The following TSPAN5 variants were observed in gnomAD, a reference collection of about 807,000 sequenced individuals.
TSPAN5 encodes the protein tetraspanin 5.
A neutral mutation model predicts 37.1 loss-of-function variants in TSPAN5; 10 were observed. That is an observed-to-expected ratio of 0.27 (90% CI 0.17 to 0.46). TSPAN5 has a LOEUF of 0.46. Among genes scored for constraint, TSPAN5 ranks in the 20% least tolerant of loss-of-function variants. The probability of loss-of-function intolerance (pLI) is 1.00; values close to 1 mark genes in which losing one functional copy is unlikely to be tolerated. For missense variants in TSPAN5, 195 were observed against 326.6 expected, an observed-to-expected ratio of 0.60 and a Z score of 3.11; for synonymous variants, 110 against 118.9, an observed-to-expected ratio of 0.93 and a Z score of 0.48.
chr4:98,554,758 T>G (rs1051218260), intron 1 of TSPAN5, among the ~76,000 whole-genome samples: 1 of 152,176 alleles, frequency 6.6e-6, no homozygotes, highest in African/African-American at 2.4e-5. Context: ...AAACAAAAGC[T>G]TCAGCTTAGA....
At chr4:98,493,760 C>T (rs1753136754) in intron 2 of TSPAN5, among the ~76,000 whole-genome samples, 1 of 152,160 alleles carries the variant, frequency 6.6e-6, no homozygotes, top group Admixed American at 6.5e-5. Context: ...TTCTCTTCTC[C>T]TGCCTCTGAG....
At chr4:98,638,106 C>T (rs1045206649) in intron 1 of TSPAN5, among the ~76,000 whole-genome samples, 2 of 152,130 alleles carry the variant, frequency 1.3e-5, no homozygotes, top group Non-Finnish European at 2.9e-5. Flanking sequence ...TTGCCTCTGC[C>T]TGGGTTATAA....
intron 5 of TSPAN5, among the ~76,000 whole-genome samples, chr4:98,477,608 C>G (rs1244543803): frequency 6.6e-6 from 1 of 151,530 alleles, no homozygotes; most frequent in Admixed American, 6.6e-5. Flanking sequence ...TAGGAGCACA[C>G]AGAGATGCGT....
At chr4:98,473,705 C>T (rs994757448) in intron 7 of TSPAN5, among the ~76,000 whole-genome samples, 10 of 152,176 alleles carry the variant, frequency 6.6e-5, no homozygotes, top group Admixed American at 2.0e-4. Flanking sequence ...ATGATCCACC[C>T]GCCTCGGCCT....
chr4:98,561,425 T>C (rs1339624643), intron 1 of TSPAN5, among the ~76,000 whole-genome samples: 1 of 152,230 alleles, frequency 6.6e-6, no homozygotes, highest in African/African-American at 2.4e-5. Flanking sequence ...TCCATTGTCA[T>C]ATCCCTAGGA....
chr4:98,556,216 T>C (rs894606613), intron 1 of TSPAN5, among the ~76,000 whole-genome samples: 11 of 152,126 alleles, frequency 7.2e-5, no homozygotes, highest in African/African-American at 2.7e-4. Flanking sequence ...ATCCTTCCTG[T>C]AGAAGGATAC....
chr4:98,609,375 C>T (rs568544929), intron 1 of TSPAN5, among the ~76,000 whole-genome samples: 26 of 152,260 alleles, frequency 1.7e-4, no homozygotes, highest in African/African-American at 4.8e-4. Flanking sequence ...GGGGAGAGGG[C>T]CAGGGCAGTG....
At chr4:98,646,172 C>T (rs1478187527) in intron 1 of TSPAN5, among the ~76,000 whole-genome samples, 1 of 152,070 alleles carries the variant, frequency 6.6e-6, no homozygotes, top group Admixed American at 6.6e-5. Context: ...GTGAGTCTCT[C>T]ATTCACCAAG....
chr4:98,532,452 A>G (rs896063051), intron 1 of TSPAN5, among the ~76,000 whole-genome samples: 1 of 152,198 alleles, frequency 6.6e-6, no homozygotes, highest in Non-Finnish European at 1.5e-5. Flanking sequence ...CTTTGAAGCA[A>G]TTGTGAATGG....
At chr4:98,636,171 A>G (rs1756853839) in intron 1 of TSPAN5, among the ~76,000 whole-genome samples, 1 of 152,252 alleles carries the variant, frequency 6.6e-6, no homozygotes, top group Non-Finnish European at 1.5e-5. Context: ...AGAAATGTAA[A>G]TAAGGGCATA....
chr4:98,634,032 T>C (rs1756803031), intron 1 of TSPAN5, among the ~76,000 whole-genome samples: 1 of 150,720 alleles, frequency 6.6e-6, no homozygotes, highest in South Asian at 2.1e-4. Context: ...TGAGTGGAGA[T>C]GGCACCACTG....
chr4:98,507,076 T>G (rs138576106), intron 2 of TSPAN5, among the ~76,000 whole-genome samples: 1 of 152,288 alleles, frequency 6.6e-6, no homozygotes, highest in East Asian at 1.9e-4. Context: ...TACTCTGTAT[T>G]TCCAGATTTT....
intron 1 of TSPAN5, among the ~76,000 whole-genome samples, chr4:98,580,699 C>T (rs187992239): frequency 3.8e-4 from 58 of 152,264 alleles, no homozygotes; most frequent in African/African-American, 1.3e-3. Context: ...GATTTTAAAG[C>T]CAAACCACAG....
At chr4:98,570,635 G>A (rs1212253905) in intron 1 of TSPAN5, among the ~76,000 whole-genome samples, 1 of 152,166 alleles carries the variant, frequency 6.6e-6, no homozygotes, top group African/African-American at 2.4e-5. Context: ...CAAACGCAGT[G>A]TCTGAGCCAG....
chr4:98,475,921 C>T (rs1409812432), intron 7 of TSPAN5, among the ~76,000 whole-genome samples: 1 of 151,842 alleles, frequency 6.6e-6, no homozygotes, highest in African/African-American at 2.4e-5. Context: ...ACCCAAGAGG[C>T]GGAGCTTTCA....
intron 1 of TSPAN5, among the ~76,000 whole-genome samples, chr4:98,609,911 C>A (rs990971161): frequency 6.6e-6 from 1 of 152,126 alleles, no homozygotes; most frequent in Non-Finnish European, 1.5e-5. Context: ...TGACTGATTT[C>A]TCTGGCTTCA....
At chr4:98,569,169 T>C (rs1464718307) in intron 1 of TSPAN5, among the ~76,000 whole-genome samples, 2 of 152,192 alleles carry the variant, frequency 1.3e-5, no homozygotes, top group Non-Finnish European at 1.5e-5. Context: ...TGATTTGGCT[T>C]CCCACGAAGG....
intron 2 of TSPAN5, among the ~76,000 whole-genome samples, chr4:98,490,874 C>T (rs527468251): frequency 6.6e-6 from 1 of 152,202 alleles, no homozygotes; most frequent in South Asian, 2.1e-4. Flanking sequence ...TCCTGGCTAA[C>T]ATGGTGAAAC....
At chr4:98,499,933 T>C (rs779060326) in intron 2 of TSPAN5, among the ~76,000 whole-genome samples, 3 of 152,042 alleles carry the variant, frequency 2.0e-5, no homozygotes, top group Non-Finnish European at 4.4e-5. Context: ...GTGCTGGGAT[T>C]ACAGGTGTGA....
Sources: allele counts gnomAD v4.1 joint callset (sites outside exome capture counted in the v4.1 genomes callset), GRCh38; gene constraint gnomAD v4.1.1; transcripts MANE v1.5; gene names NCBI Gene and HGNC (gene_info 2026-07-23, HGNC 2026-07-21).